The following PCDHA9 variants were observed in gnomAD, a reference collection of about 807,000 sequenced individuals.
PCDHA9 encodes the protein protocadherin alpha-9.
Under a neutral mutation model 62.0 loss-of-function variants are expected in PCDHA9, and 62 were observed. That is an observed-to-expected ratio of 1.00 (90% CI 0.81 to 1.23). The LOEUF is 1.23. Among genes scored for constraint, PCDHA9 ranks in the 50% most tolerant of loss-of-function variants. The pLI is 0.00. For missense variants in PCDHA9, 1,205 were observed against 1,249.8 expected, an observed-to-expected ratio of 0.96 and a Z score of 0.54; for synonymous variants, 557 against 567.6, an observed-to-expected ratio of 0.98 and a Z score of 0.27.
At chr5:140,876,972 C>T (rs374149249) in intron 1 of PCDHA9, 13 of 1,612,478 alleles carry the variant, frequency 8.1e-6, no homozygotes, top group Non-Finnish European at 1.1e-5. Context: ...GGCGGGTGGG[C>T]GAGCACGCAC....
intron 1 of PCDHA9, among the ~76,000 whole-genome samples, chr5:140,962,845 C>G (rs2095712902): frequency 6.6e-6 from 1 of 152,172 alleles, no homozygotes; most frequent in African/African-American, 2.4e-5. Flanking sequence ...TATTATATAA[C>G]TTGTGCTCGG....
intron 3 of PCDHA9, among the ~76,000 whole-genome samples, chr5:140,985,909 T>C (rs1421545707): frequency 6.6e-6 from 1 of 151,912 alleles, no homozygotes; most frequent in Non-Finnish European, 1.5e-5. Flanking sequence ...CCGTCTAATT[T>C]TTTGTATTTT....
intron 1 of PCDHA9, among the ~76,000 whole-genome samples, chr5:140,900,446 T>C (rs1344652526): frequency 6.6e-6 from 1 of 152,154 alleles, no homozygotes; most frequent in African/African-American, 2.4e-5. Context: ...GCCGGCTAAT[T>C]TTTTATTTTT....
At chr5:140,877,909 C>G in intron 1 of PCDHA9, 4 of 1,432,580 alleles carry the variant, frequency 2.8e-6, no homozygotes, top group Non-Finnish European at 3.7e-6. Context: ...TAACTACATT[C>G]TCTCATTTTT....
At chr5:140,911,396 G>C (rs1348303429) in intron 1 of PCDHA9, among the ~76,000 whole-genome samples, 1 of 152,104 alleles carries the variant, frequency 6.6e-6, no homozygotes, top group Non-Finnish European at 1.5e-5. Context: ...TTTCATTGCA[G>C]GTCAGCCACT....
intron 1 of PCDHA9, among the ~76,000 whole-genome samples, chr5:140,855,081 C>T (rs868991206): frequency 6.7e-6 from 1 of 149,844 alleles, no homozygotes; most frequent in Non-Finnish European, 1.5e-5. Context: ...GAAACCACCA[C>T]TCTCAGCCTG....
chr5:140,969,586 C>A lies in PCDHA9; in HGVS notation c.2395-9363C>A. The A allele has an allele frequency of 3.4e-6, 3 of 894,952 alleles. No homozygotes were observed. In the Admixed American group the frequency reaches 9.0e-5, roughly 27 times the overall value. The allele number at this position is 894,952 out of a possible 1,614,324, so 55.4% of individuals were successfully genotyped here. A position where few individuals can be genotyped will look rare whatever the true frequency, so the allele number is the denominator to read the frequency against. ...AATTGTTTGAGAAGTGAGGATTAGT[C>A]TTAATATTTAATGCTAAAACACAGA... On this transcript the variant is annotated intron_variant, in intron 1 of 3. Transcript: ENST00000532602.
At chr5:141,008,435 G>C (rs2098377041) in intron 3 of PCDHA9, among the ~76,000 whole-genome samples, 1 of 152,160 alleles carries the variant, frequency 6.6e-6, no homozygotes, top group South Asian at 2.1e-4. Context: ...ACTTTGCCCA[G>C]ACAGACCATT....
chr5:140,879,908 T>G (rs1468115653), intron 1 of PCDHA9, among the ~76,000 whole-genome samples: 2 of 152,218 alleles, frequency 1.3e-5, no homozygotes, highest in Non-Finnish European at 2.9e-5. Context: ...TCTCTCTATG[T>G]GTTGGTTTTA....
rs782212623 is a variant in PCDHA9 at position 140,927,250 on chromosome 5, A to G, written c.2395-51699A>G. On this transcript the variant is annotated intron_variant, in intron 1 of 3. Coordinates refer to ENST00000532602, the MANE Select transcript of PCDHA9 (RefSeq NM_031857.2). ...GATTCACGTCCTGGACACCAATGACAACTCACCTCTCTTTCCTGCCGGCGA... is the reference window on the plus strand; with the variant it reads ...GATTCACGTCCTGGACACCAATGACGACTCACCTCTCTTTCCTGCCGGCGA... 1.9e-6 allele frequency: 3 copies of G among 1,614,046 alleles called. 1 individual carries two copies. The highest frequency in any genetic ancestry group is 2.5e-6 in the Non-Finnish European group (3 of 1,180,004).
intron 3 of PCDHA9, among the ~76,000 whole-genome samples, chr5:141,006,464 C>T (rs1243356826): frequency 5.9e-5 from 9 of 152,100 alleles, no homozygotes; most frequent in African/African-American, 1.7e-4. Context: ...CTGCCTGTCT[C>T]GGCCTCCCAA....
At chr5:140,962,747 G>A (rs1385433172) in intron 1 of PCDHA9, among the ~76,000 whole-genome samples, 1 of 152,142 alleles carries the variant, frequency 6.6e-6, no homozygotes, top group Non-Finnish European at 1.5e-5. Flanking sequence ...ATGAAGATCA[G>A]GAATCCTATT....
chr5:140,939,903 CT>C (rs1485545948), intron 1 of PCDHA9, among the ~76,000 whole-genome samples: 1 of 152,046 alleles, frequency 6.6e-6, no homozygotes, highest in Non-Finnish European at 1.5e-5. Context: ...ATTCTGCATT[CT>C]TTTTTATTCT....
chr5:140,892,757 A>G lies in PCDHA9; in HGVS notation c.2394+41868A>G, dbSNP rs140291258. 8.0e-3 allele frequency among the ~76,000 whole-genome samples: 1,217 copies of G among 152,310 alleles called. 7 individuals carry two copies. Among genetic ancestry groups the G allele is most frequent in the African/African-American group, 0.019 (784 of 41,562 alleles). ...CCATTTTTGCATGGTGAACATTTAA[A>G]ATCCACTCTTCTAGCTTCTTGAAAA... On this transcript the variant is annotated intron_variant, in intron 1 of 3. Transcript: ENST00000532602.
chr5:140,932,991 C>T (rs2088784414), intron 1 of PCDHA9, among the ~76,000 whole-genome samples: 1 of 151,940 alleles, frequency 6.6e-6, no homozygotes, highest in African/African-American at 2.4e-5. Context: ...AAATGCATGT[C>T]ATATGAATAT....
At position 140,899,258 on chromosome 5, in the gene PCDHA9, T is replaced by C. The variant is rs1293804815; in HGVS notation, c.2394+48369T>C. On this transcript the variant is annotated intron_variant, in intron 1 of 3. Transcript: ENST00000532602. Reference sequence around the variant, plus strand: ...TAGGAGTGGTGAGAGAGGGCATCCCTGTCTTGTGGCAGTTTTCAAAGGGAA... The same window carrying C: ...TAGGAGTGGTGAGAGAGGGCATCCCCGTCTTGTGGCAGTTTTCAAAGGGAA... Among the ~76,000 whole-genome samples the C allele has an allele frequency of 3.7e-4, 56 of 152,282 alleles. No individual in the cohort carries two copies. In the South Asian group the frequency reaches 0.012, roughly 32 times the overall value.
In PCDHA9 at chr5:140,849,802, G is replaced by A. The variant is rs2041146387; in HGVS notation, c.1307G>A (p.Trp436Ter). 1 of 1,598,478 alleles carries A rather than the reference G, an allele frequency of 6.3e-7. No homozygotes were observed. Among genetic ancestry groups the A allele is most frequent in the Non-Finnish European group, 8.6e-7 (1 of 1,167,922 alleles). The change falls in exon 1 of 4, where the codon TGG becomes TAG. Residue 436 changes from tryptophan (W) to a stop codon, truncating the protein, a stop_gained. Coordinates refer to ENST00000532602, the MANE Select transcript of PCDHA9 (RefSeq NM_031857.2). LOFTEE classifies it high-confidence loss of function. ...TARDGGSPSL[W>*]ATARVSVEVA... The stretch of plus-strand genomic sequence containing the variant: ...CGGGACGGGGGCTCGCCTTCACTGT[G>A]GGCCACGGCCAGGGTGTCTGTGGAG...
chr5:140,878,450 A>T (rs2057594535), intron 1 of PCDHA9, among the ~76,000 whole-genome samples: 1 of 152,224 alleles, frequency 6.6e-6, no homozygotes, highest in Non-Finnish European at 1.5e-5. Context: ...TCTTATTTAC[A>T]TGAAATATAA....
intron 1 of PCDHA9, chr5:140,858,228 A>T: frequency 6.3e-7 from 1 of 1,595,134 alleles, no homozygotes; most frequent in Non-Finnish European, 8.6e-7. Flanking sequence ...GCGCCCACCG[A>T]GGGCGCATGT....
Sources: allele counts gnomAD v4.1 joint callset (sites outside exome capture counted in the v4.1 genomes callset), GRCh38; gene constraint gnomAD v4.1.1; transcripts MANE v1.5; gene names NCBI Gene and HGNC (gene_info 2026-07-23, HGNC 2026-07-21).